Variants in BSPH1 observed in about 807,000 individuals in gnomAD.
The protein encoded by BSPH1 is binder of sperm 1.
BSPH1 carries 21 observed loss-of-function variants against 22.5 expected under a neutral mutation model. That is an observed-to-expected ratio of 0.93 (90% CI 0.66 to 1.35). The LOEUF is 1.35. Ranked by LOEUF, BSPH1 falls within the 40% of genes most tolerant of loss-of-function variation. BSPH1 has a pLI of 0.00. For synonymous variants in BSPH1, 42 were observed against 53.6 expected (o/e 0.78, Z 0.95); for missense variants, 141 against 154.2 (o/e 0.91, Z 0.45).
intron 3 of BSPH1, among the ~76,000 whole-genome samples, chr19:47,977,853 T>A (rs973582476): frequency 2.0e-5 from 3 of 151,664 alleles, no homozygotes; most frequent in Admixed American, 1.3e-4. Flanking sequence ...TATTTTTACC[T>A]CTTTCCGTCA....
chr19:47,980,788 A>C, intron 2 of BSPH1, 133 bp downstream of exon 2: 1 of 585,904 alleles, frequency 1.7e-6, no homozygotes, highest in East Asian at 3.3e-5. Flanking sequence ...TTTACTTTAT[A>C]TATAAGTACA....
intron 1 of BSPH1, among the ~76,000 whole-genome samples, chr19:47,989,387 G>A (rs377654087): frequency 1.4e-4 from 21 of 151,738 alleles, no homozygotes; most frequent in African/African-American, 3.6e-4. Context: ...CTTGTGATCC[G>A]CCCGCCTCGG....
intron 2 of BSPH1, among the ~76,000 whole-genome samples, 186 bp from the exon 3 acceptor site, chr19:47,979,785 T>A (rs1969401402): frequency 6.6e-6 from 1 of 152,158 alleles, no homozygotes; most frequent in Non-Finnish European, 1.5e-5. Flanking sequence ...TGCTCTTCAA[T>A]ATGATTTTCT....
intron 4 of BSPH1, among the ~76,000 whole-genome samples, chr19:47,977,080 G>C (rs1314432117): frequency 1.3e-5 from 2 of 152,170 alleles, no homozygotes; most frequent in African/African-American, 4.8e-5. Flanking sequence ...AGTATCATCT[G>C]CTCTGCCCTA....
At chr19:47,980,555 G>A (rs79506011) in intron 2 of BSPH1, 5,663 of 150,094 alleles carry the variant, frequency 0.038, 239 homozygotes, top group East Asian at 0.16. Flanking sequence ...TGCAAGCTCC[G>A]CCTCCTAGGT....
chr19:47,989,177 C>T (rs373985273), intron 1 of BSPH1, among the ~76,000 whole-genome samples: 1 of 149,120 alleles, frequency 6.7e-6, no homozygotes, highest in Non-Finnish European at 1.5e-5. Flanking sequence ...TGGAGTCTTG[C>T]TCTTGTTGCC....
rs1969374881 is a variant in BSPH1 at position 47,977,377 on chromosome 19, T to C, written c.252A>G (p.Ala84=). 1 of 1,551,924 alleles carries C rather than the reference T, an allele frequency of 6.4e-7. No homozygotes were observed. The highest frequency in any genetic ancestry group is 1.2e-5 in the South Asian group (1 of 84,052). The change falls in exon 4 of 6, where the codon GCA becomes GCG. Residue 84 remains alanine (A), a synonymous_variant. Coordinates refer to ENST00000344839, the MANE Select transcript of BSPH1 (RefSeq NM_001128326.2). ...ATTTAGAGACAGGACACTCACCTTC[T>C]GCACTGCAAAACTTCCAGTATCCTT... is the stretch of plus-strand genomic sequence containing the variant. ...TYEGYWKFCS[A]EDFANCVFPF...
At chr19:47,983,763 A>G (rs1228059499) in intron 1 of BSPH1, among the ~76,000 whole-genome samples, 3 of 152,196 alleles carry the variant, frequency 2.0e-5, no homozygotes, top group Non-Finnish European at 4.4e-5. Flanking sequence ...AGATGCAAGA[A>G]TGTATGAATT....
chr19:47,981,341 T>C (rs1969417882), intron 1 of BSPH1, among the ~76,000 whole-genome samples: 1 of 152,130 alleles, frequency 6.6e-6, no homozygotes, highest in Non-Finnish European at 1.5e-5. Flanking sequence ...GTCTTTGGAG[T>C]TGCCACTTTC....
Position 47,976,844 on chromosome 19 carries a change from G to T in BSPH1, c.267C>A (p.Asn89Lys). 6.4e-7 allele frequency: 1 copy of T among 1,550,664 alleles called. No individual in the cohort carries two copies. The highest frequency in any genetic ancestry group is 8.7e-7 in the Non-Finnish European group (1 of 1,146,740). The change falls in exon 5 of 6, where the codon AAC becomes AAA. Residue 89 changes from asparagine (N) to lysine (K), a missense_variant. Transcript: ENST00000344839. ...GTCTGTACCAGAAGGGAAATACACA[G>T]TTTGCAAAATCTGCAGAGGAGGAAG... Reference protein sequence around the residue: ...WKFCSAEDFANCVFPFWYRRL... With the variant: ...WKFCSAEDFAKCVFPFWYRRL...
At chr19:47,978,001 G>GATATATATATAT (rs10609973) in intron 3 of BSPH1, among the ~76,000 whole-genome samples, 3,661 of 109,906 alleles carry the variant, frequency 0.033, 93 homozygotes, top group African/African-American at 0.041. Flanking sequence ...GTTAATACAG[G>GATATATATATAT]ATATATATAT....
chr19:47,978,773 G>T (rs2122248544), intron 3 of BSPH1, among the ~76,000 whole-genome samples: 1 of 152,236 alleles, frequency 6.6e-6, no homozygotes. Context: ...TGGTCTTTAG[G>T]CCATACATAT....
chr19:47,986,282 C>T (rs7507536), intron 1 of BSPH1, among the ~76,000 whole-genome samples: 1,845 of 152,122 alleles, frequency 0.012, 19 homozygotes, highest in Middle Eastern at 0.027. Context: ...ACAAAACTTA[C>T]GAATCTAGAG....
At position 47,979,933 on chromosome 19, in the gene BSPH1, T is replaced by C. The variant is rs145971453; in HGVS notation, c.95-334A>G. ...TTCTTATCAGTATAGAGAAAAACTA[T>C]TGACTGTTGTATGTTTATCTTGCAT... On this transcript the variant is annotated intron_variant, in intron 2 of 5. Coordinates refer to ENST00000344839, the MANE Select transcript of BSPH1 (RefSeq NM_001128326.2). Among the ~76,000 whole-genome samples the C allele has an allele frequency of 3.3e-5, 5 of 152,290 alleles. No individual in the cohort carries two copies. In the East Asian group the frequency reaches 7.7e-4, roughly 23 times the overall value.
intron 1 of BSPH1, 73 bp from the exon 2 acceptor site, chr19:47,981,014 C>G: frequency 1.2e-6 from 1 of 826,518 alleles, no homozygotes; most frequent in Non-Finnish European, 1.9e-6. Context: ...TCACCAATTT[C>G]TATTCTAGTA....
intron 5 of BSPH1, among the ~76,000 whole-genome samples, chr19:47,968,699 A>AAAG (rs1262336633): frequency 1.3e-5 from 2 of 149,982 alleles, no homozygotes; most frequent in Non-Finnish European, 3.0e-5. Context: ...AAAAAAAAAA[A>AAAG]AAAAGAAATC....
At chr19:47,980,416 T>C in intron 2 of BSPH1, 2 of 533,136 alleles carry the variant, frequency 3.8e-6, no homozygotes, top group Non-Finnish European at 4.8e-6. Context: ...TGTAATGACA[T>C]GTTTAATCAC....
At chr19:47,983,816 A>G (rs7255152) in intron 1 of BSPH1, among the ~76,000 whole-genome samples, 103,862 of 151,794 alleles carry the variant, frequency 0.68, 36,026 homozygotes, top group African/African-American at 0.79. Context: ...CACATATTGT[A>G]ACTCCATAAG....
chr19:47,983,162 A>C (rs1392286591), intron 1 of BSPH1, among the ~76,000 whole-genome samples: 1 of 152,198 alleles, frequency 6.6e-6, no homozygotes, highest in Non-Finnish European at 1.5e-5. Context: ...ACAAATATGG[A>C]TTGAATGCCT....
Sources: allele counts gnomAD v4.1 joint callset (sites outside exome capture counted in the v4.1 genomes callset), GRCh38; gene constraint gnomAD v4.1.1; transcripts MANE v1.5; gene names NCBI Gene and HGNC (gene_info 2026-07-23, HGNC 2026-07-21).